RALGAPA1: variants seen among roughly 807,000 people sequenced by gnomAD.
RALGAPA1 encodes ral GTPase-activating protein subunit alpha-1.
A neutral mutation model predicts 269.6 loss-of-function variants in RALGAPA1; 52 were observed. The ratio of observed to expected loss-of-function variants is 0.19; its 90% CI spans 0.15 to 0.24. The LOEUF is 0.24. Among genes scored for constraint, RALGAPA1 ranks in the 10% least tolerant of loss-of-function variants. RALGAPA1 has a pLI of 1.00. For missense variants in RALGAPA1, 1,917 were observed against 3,013.9 expected (o/e 0.64, Z 8.52); for synonymous variants, 817 against 1,008.3 (o/e 0.81, Z 3.60).
chr14:35,748,900 G>C, intron 9 of RALGAPA1, 76 bp from the exon 10 acceptor site: 1 of 1,443,780 alleles, frequency 6.9e-7, no homozygotes, highest in Non-Finnish European at 9.1e-7. Context: ...CTTTTAATAG[G>C]TAATACTGAC....
At chr14:35,703,518 T>C (rs2067541400) in intron 16 of RALGAPA1, among the ~76,000 whole-genome samples, 2 of 152,092 alleles carry the variant, frequency 1.3e-5, no homozygotes, top group Non-Finnish European at 2.9e-5. Flanking sequence ...GAAGCAAAAA[T>C]GGTCACCTCC....
intron 12 of RALGAPA1, among the ~76,000 whole-genome samples, chr14:35,730,112 A>G (rs1161220079): frequency 1.3e-5 from 2 of 152,138 alleles, no homozygotes; most frequent in Non-Finnish European, 2.9e-5. Flanking sequence ...CCGAAAACAC[A>G]CACCCATTGG....
chr14:35,730,304 A>G (rs2070355410), intron 12 of RALGAPA1, among the ~76,000 whole-genome samples: 1 of 152,104 alleles, frequency 6.6e-6, no homozygotes, highest in Non-Finnish European at 1.5e-5. Flanking sequence ...GGGTGGCCAG[A>G]GGCGTGTGGA....
At position 35,595,015 on chromosome 14, in the gene RALGAPA1, ATG is replaced by A. The variant is rs372516985; in HGVS notation, c.7209+617_7209+618del. Among the ~76,000 whole-genome samples, 84 of 152,062 alleles carry A rather than the reference ATG, an allele frequency of 5.5e-4. No individual in the cohort carries two copies. The East Asian group carries it at 0.013, about 23-fold the overall frequency. ...CACATGAATGGACTTGGAGGACACT[ATG>A]TGTCCTAAGTGAAATAAGCCAGACA... On this transcript the variant is annotated intron_variant, in intron 37 of 41. Coordinates refer to ENST00000680220, the MANE Select transcript of RALGAPA1 (RefSeq NM_001346249.2).
chr14:35,772,976 A>G (rs994222567), intron 3 of RALGAPA1, among the ~76,000 whole-genome samples: 1 of 152,204 alleles, frequency 6.6e-6, no homozygotes, highest in African/African-American at 2.4e-5. Flanking sequence ...CCCACATGAG[A>G]CACATAAACT....
chr14:35,775,008 CA>C lies in RALGAPA1; in HGVS notation c.264del (p.Phe88LeufsTer23). On this transcript the variant is annotated frameshift_variant, in exon 3 of 42. Coordinates refer to ENST00000680220, the MANE Select transcript of RALGAPA1 (RefSeq NM_001346249.2). LOFTEE classifies it high-confidence loss of function. The part of the protein sequence containing the change: ...REELDAILFI[F>X]EKILQLLPER... Reference sequence around the variant, plus strand: ...AAGTTAGGTTCAGAAGCACTTACCTCAAAAATAAAAAGTATAGCATCCAATT... The same window carrying C: ...AAGTTAGGTTCAGAAGCACTTACCTCAAAATAAAAAGTATAGCATCCAATT... The C allele has an allele frequency of 6.4e-7, 1 of 1,567,446 alleles. No homozygotes were observed. The highest frequency in any genetic ancestry group is 8.7e-7 in the Non-Finnish European group (1 of 1,148,180).
At chr14:35,778,961 TAC>T (rs2075248442) in intron 1 of RALGAPA1, among the ~76,000 whole-genome samples, 2 of 152,122 alleles carry the variant, frequency 1.3e-5, no homozygotes, top group South Asian at 4.1e-4. Context: ...AAAATTTAGG[TAC>T]AGAGAGTCTA....
intron 39 of RALGAPA1, among the ~76,000 whole-genome samples, chr14:35,555,912 T>C (rs1334313684): frequency 1.3e-5 from 2 of 152,210 alleles, no homozygotes; most frequent in Admixed American, 6.5e-5. Context: ...AAATAATGAA[T>C]ATTAGCTTAA....
intron 35 of RALGAPA1, among the ~76,000 whole-genome samples, chr14:35,608,833 A>G (rs1001267073): frequency 1.3e-4 from 20 of 152,240 alleles, no homozygotes; most frequent in African/African-American, 4.6e-4. Flanking sequence ...CAATAATATG[A>G]CAACCGGACC....
At chr14:35,595,554 C>T (rs892242274) in intron 37 of RALGAPA1, 80 bp downstream of exon 37, 7 of 1,274,102 alleles carry the variant, frequency 5.5e-6, no homozygotes, top group South Asian at 3.6e-5. Context: ...TTGATCAATT[C>T]GATTTCTTAC....
chr14:35,791,904 C>CAAAAAA (rs773722682), intron 1 of RALGAPA1, among the ~76,000 whole-genome samples: 4 of 11,774 alleles, frequency 3.4e-4, no homozygotes, highest in African/African-American at 6.9e-4. Context: ...GACTCTGTCT[C>CAAAAAA]AAAAAAAAAA....
Position 35,688,708 on chromosome 14 carries a change from G to A in RALGAPA1, c.3703C>T (p.Pro1235Ser). The change falls in exon 18 of 42, where the codon CCC (proline) becomes TCC (serine). Residue 1235 changes from proline (P) to serine (S), a missense_variant. Pro to Ser is a moderately conservative substitution (Grantham distance 74, BLOSUM62 -1). This residue lies in a region of RALGAPA1 where 615 missense variants were observed against 790.0 expected (regional missense o/e 0.78). Transcript: ENST00000680220. ...CCTTCTTTTTGTAATATGGTGGTGG[G>A]AATCTCTGTGGATTCCTTCACTGTT... is the stretch of plus-strand genomic sequence containing the variant. ...SKTVKESTEI[P>S]TTILQKEGIA... is the part of the protein sequence containing the mutation. The A allele has an allele frequency of 3.4e-6, 5 of 1,477,070 alleles. No homozygotes were observed. The highest frequency in any genetic ancestry group is 4.5e-6 in the Non-Finnish European group (5 of 1,120,140). 91.5% of individuals were successfully genotyped at this position (1,477,070 alleles called of 1,614,324 possible).
In RALGAPA1 at chr14:35,661,495, A is replaced by C. The variant is rs1260578902; in HGVS notation, c.5329-2299T>G. Among the ~76,000 whole-genome samples, 4 of 152,276 alleles carry C rather than the reference A, an allele frequency of 2.6e-5. No homozygotes were observed. In the East Asian group the frequency reaches 7.7e-4, roughly 29 times the overall value. ...GTCAGAATACTTAGGCAAGAAGTAAATCAAGATAGATTTGTGCAATAAAAG... is the reference window on the plus strand; with the variant it reads ...GTCAGAATACTTAGGCAAGAAGTAACTCAAGATAGATTTGTGCAATAAAAG... On this transcript the variant is annotated intron_variant, in intron 27 of 41. Coordinates refer to ENST00000680220, the MANE Select transcript of RALGAPA1 (RefSeq NM_001346249.2).
At chr14:35,677,819 C>G in intron 22 of RALGAPA1, 131 bp downstream of exon 22, 1 of 779,584 alleles carries the variant, frequency 1.3e-6, no homozygotes, top group Non-Finnish European at 2.0e-6. Flanking sequence ...TAACAAATTT[C>G]CAAAGGACTT....
chr14:35,595,608 A>G, intron 37 of RALGAPA1, 26 bp downstream of exon 37: 1 of 1,594,168 alleles, frequency 6.3e-7, no homozygotes, highest in Non-Finnish European at 8.6e-7. Flanking sequence ...GAGCATTTTA[A>G]TTTGAAAGCA....
intron 16 of RALGAPA1, among the ~76,000 whole-genome samples, chr14:35,705,312 A>AG: frequency 6.6e-6 from 1 of 152,180 alleles, no homozygotes; most frequent in African/African-American, 2.4e-5. Context: ...GCTTGCTTCT[A>AG]CCTATTCATC....
intron 12 of RALGAPA1, among the ~76,000 whole-genome samples, chr14:35,731,866 A>G (rs2070505955): frequency 6.6e-6 from 1 of 152,208 alleles, no homozygotes; most frequent in Non-Finnish European, 1.5e-5. Flanking sequence ...TACACATCCA[A>G]ATACAAGAAG....
At chr14:35,582,154 C>T (rs1236208056) in intron 37 of RALGAPA1, among the ~76,000 whole-genome samples, 2 of 152,080 alleles carry the variant, frequency 1.3e-5, no homozygotes, top group East Asian at 1.9e-4. Context: ...TCCACTTATT[C>T]GAGGTTCCTA....
intron 39 of RALGAPA1, 85 bp from the exon 40 acceptor site, chr14:35,549,319 A>G: frequency 7.4e-7 from 1 of 1,353,384 alleles, no homozygotes; most frequent in Non-Finnish European, 1.0e-6. Context: ...ATGATTGCTA[A>G]GCCATTACTT....
Sources: gnomAD v4.1 joint callset for allele counts (sites outside exome capture counted in the v4.1 genomes callset) on GRCh38, gnomAD v4.1.1 for gene constraint, gnomAD v4.1.1 regional missense constraint, MANE v1.5 for transcripts, NCBI Gene and HGNC (gene_info 2026-07-23, HGNC 2026-07-21) for gene names.